ITGB5: variants seen among roughly 807,000 people sequenced by gnomAD.
ITGB5 encodes the protein integrin beta-5.
A neutral mutation model predicts 84.8 loss-of-function variants in ITGB5; 38 were observed. The observed-to-expected ratio is 0.45, with a 90% confidence interval of 0.35 to 0.59. The LOEUF is 0.59. Ranked by LOEUF, ITGB5 falls within the 20% of genes least tolerant of loss-of-function variation. The probability of loss-of-function intolerance (pLI) is 0.01; values close to 1 mark genes in which losing one functional copy is unlikely to be tolerated. For missense variants in ITGB5, 905 were observed against 1,034.5 expected (o/e 0.87, Z 1.72); for synonymous variants, 393 against 414.4 (o/e 0.95, Z 0.63).
intron 9 of ITGB5, among the ~76,000 whole-genome samples, chr3:124,798,627 T>C (rs1191589682): frequency 2.0e-5 from 3 of 152,196 alleles, no homozygotes; most frequent in African/African-American, 7.2e-5. Flanking sequence ...GGTTTCACTG[T>C]GTTGGCCAGG....
chr3:124,827,304 T>C (rs1261287273), intron 5 of ITGB5, among the ~76,000 whole-genome samples: 1 of 152,194 alleles, frequency 6.6e-6, no homozygotes, highest in Non-Finnish European at 1.5e-5. Flanking sequence ...GCAGAGCTGC[T>C]GCTAGGTTTA....
At chr3:124,819,638 C>G (rs2064666508) in intron 7 of ITGB5, 101 bp downstream of exon 7, 2 of 846,618 alleles carry the variant, frequency 2.4e-6, no homozygotes, top group African/African-American at 3.3e-5. Flanking sequence ...GGGCTATATT[C>G]CACCCCTCCT....
intron 3 of ITGB5, among the ~76,000 whole-genome samples, chr3:124,849,599 A>G (rs2065125155): frequency 6.6e-6 from 1 of 152,224 alleles, no homozygotes; most frequent in Non-Finnish European, 1.5e-5. Context: ...TATCGAAAAA[A>G]GAAAACAAGA....
chr3:124,861,031 A>G (rs1579307910), intron 2 of ITGB5, among the ~76,000 whole-genome samples: 1 of 152,128 alleles, frequency 6.6e-6, no homozygotes, highest in Admixed American at 6.5e-5. Flanking sequence ...GTGCCACTGC[A>G]CTCCTGCCTG....
intron 10 of ITGB5, among the ~76,000 whole-genome samples, chr3:124,776,158 G>A (rs1017657006): frequency 2.0e-4 from 30 of 152,170 alleles, no homozygotes; most frequent in African/African-American, 5.8e-4. Flanking sequence ...GCAGTGTCTC[G>A]CAGCTCAAGG....
intron 3 of ITGB5, among the ~76,000 whole-genome samples, chr3:124,858,752 A>T (rs1243953340): frequency 6.6e-6 from 1 of 152,238 alleles, no homozygotes; most frequent in Non-Finnish European, 1.5e-5. Flanking sequence ...AATTTCTGCC[A>T]TCAGTTGCTC....
chr3:124,769,113 T>G lies in ITGB5; in HGVS notation c.1917A>C (p.Arg639Ser), dbSNP rs2063806873. The G allele has an allele frequency of 2.5e-6, 4 of 1,613,630 alleles. No homozygotes were observed. Among genetic ancestry groups the G allele is most frequent in the African/African-American group, 1.3e-5 (1 of 74,912 alleles). Residue 639 changes from arginine (R) to serine (S), a missense_variant and splice_region_variant, in exon 12 of 15, where the codon AGA becomes AGC. Transcript: ENST00000296181. ...PTCPDACSTK[R>S]DCVECLLLHS... Reference sequence around the variant, plus strand: ...GGAGCAGCAGGCACTCGACGCAATCTCTTTGGAAAAGAGGAGATAAAGGTG... The same window carrying G: ...GGAGCAGCAGGCACTCGACGCAATCGCTTTGGAAAAGAGGAGATAAAGGTG...
intron 1 of ITGB5, among the ~76,000 whole-genome samples, chr3:124,876,671 G>T (rs951088790): frequency 2.0e-5 from 3 of 152,170 alleles, no homozygotes; most frequent in African/African-American, 7.2e-5. Context: ...ACCCACAGGG[G>T]GTGAGAACAA....
intron 1 of ITGB5, among the ~76,000 whole-genome samples, chr3:124,877,127 CA>C (rs1934361734): frequency 6.9e-6 from 1 of 143,912 alleles, no homozygotes; most frequent in East Asian, 2.0e-4. Context: ...CACATCACCA[CA>C]CCTGGCTAAT....
chr3:124,831,639 T>C (rs550103186), intron 5 of ITGB5, among the ~76,000 whole-genome samples: 5 of 152,286 alleles, frequency 3.3e-5, no homozygotes, highest in Admixed American at 1.3e-4. Context: ...ACAAGGGAGT[T>C]CTGGAATAAA....
chr3:124,770,569 C>G (rs199998000), intron 11 of ITGB5, among the ~76,000 whole-genome samples: 1 of 152,174 alleles, frequency 6.6e-6, no homozygotes, highest in Non-Finnish European at 1.5e-5. Flanking sequence ...AGTGGAGGAG[C>G]AGAACTGGAC....
Position 124,823,914 on chromosome 3 carries a change from G to A in ITGB5, c.781-2440C>T, listed in dbSNP as rs760220796. On this transcript the variant is annotated intron_variant, in intron 5 of 14. Coordinates refer to ENST00000296181, the MANE Select transcript of ITGB5 (RefSeq NM_002213.5). ...AAACCAACTTTTAATTTGACAAATT[G>A]TATTAAGAACCTTAAGGAAAATCAG... 8.3e-4 allele frequency among the ~76,000 whole-genome samples: 126 copies of A among 152,096 alleles called. 1 individual carries two copies. The highest frequency in any genetic ancestry group is 1.3e-4 in the Non-Finnish European group (9 of 68,012).
intron 4 of ITGB5, 66 bp from the exon 5 acceptor site, chr3:124,841,617 A>T (rs1284652209): frequency 6.5e-7 from 1 of 1,537,278 alleles, no homozygotes; most frequent in East Asian, 2.3e-5. Context: ...AAGTGTTCTG[A>T]GCATTCACTG....
chr3:124,838,848 G>A (rs563170660), intron 5 of ITGB5, among the ~76,000 whole-genome samples: 4 of 152,132 alleles, frequency 2.6e-5, no homozygotes, highest in African/African-American at 9.7e-5. Flanking sequence ...TGATCTGCCC[G>A]CCTCAGCCTC....
At chr3:124,886,573 G>A (rs1393575101) in intron 1 of ITGB5, among the ~76,000 whole-genome samples, 1 of 151,808 alleles carries the variant, frequency 6.6e-6, no homozygotes, top group Admixed American at 6.6e-5. Context: ...CGGCCACAAG[G>A]ACCGCTTTGT....
At chr3:124,865,525 C>T (rs1483818202) in intron 2 of ITGB5, among the ~76,000 whole-genome samples, 2 of 122,218 alleles carry the variant, frequency 1.6e-5, no homozygotes, top group East Asian at 2.5e-4. Flanking sequence ...CTCGCTCTGT[C>T]GTCTAGGCTG....
Position 124,763,445 on chromosome 3 carries a change from G to T in ITGB5, c.*178C>A, listed in dbSNP as rs1185044759. 7 of 502,238 alleles carry T rather than the reference G, an allele frequency of 1.4e-5. No individual in the cohort carries two copies. The highest frequency in any genetic ancestry group is 5.5e-4 in the Middle Eastern group (1 of 1,820). The allele number at this position is 502,238 out of a possible 1,614,324, so 31.1% of individuals were successfully genotyped here. A position where few individuals can be genotyped will look rare whatever the true frequency, so the allele number is the denominator to read the frequency against. On this transcript the variant is annotated 3_prime_UTR_variant, in exon 15 of 15. Transcript: ENST00000296181. Reference sequence around the variant, plus strand: ...TGGCATGGCTCTGGCCTAGCAGCCAGGTGACATGGCCAGGCACCTTCCTGT... The same window carrying T: ...TGGCATGGCTCTGGCCTAGCAGCCATGTGACATGGCCAGGCACCTTCCTGT...
intron 3 of ITGB5, among the ~76,000 whole-genome samples, chr3:124,858,896 C>T (rs536031880): frequency 2.0e-4 from 30 of 152,244 alleles, no homozygotes; most frequent in Non-Finnish European, 3.1e-4. Context: ...CTGTTTAGGA[C>T]GACGAAAATG....
intron 10 of ITGB5, among the ~76,000 whole-genome samples, chr3:124,794,225 G>A (rs1279499396): frequency 6.6e-6 from 1 of 152,164 alleles, no homozygotes; most frequent in Admixed American, 6.5e-5. Context: ...GTGGCATGGT[G>A]TTAGATAAAC....
Sources: gnomAD v4.1 joint callset for allele counts (sites outside exome capture counted in the v4.1 genomes callset) on GRCh38, gnomAD v4.1.1 for gene constraint, MANE v1.5 for transcripts, NCBI Gene and HGNC (gene_info 2026-07-23, HGNC 2026-07-21) for gene names.